Variants in AUTS2 observed in about 807,000 individuals in gnomAD.
The protein encoded by AUTS2 is activator of transcription and developmental regulator AUTS2, also known as autism susceptibility gene 2 protein.
In AUTS2, 17 loss-of-function variants were observed where a neutral mutation model predicts 112.4. That is an observed-to-expected ratio of 0.15 (90% CI 0.10 to 0.23). The LOEUF is 0.23. AUTS2 is among the 10% of genes least tolerant of loss of function. The probability of loss-of-function intolerance (pLI) is 1.00; values close to 1 mark genes in which losing one functional copy is unlikely to be tolerated. For synonymous variants in AUTS2, 751 were observed against 702.7 expected, an observed-to-expected ratio of 1.07 and a Z score of -1.09; for missense variants, 1,510 against 1,701.6, an observed-to-expected ratio of 0.89 and a Z score of 1.98.
intron 4 of AUTS2, among the ~76,000 whole-genome samples, chr7:70,310,915 A>AT (rs1228865625): frequency 2.0e-5 from 3 of 152,094 alleles, no homozygotes; most frequent in Non-Finnish European, 2.9e-5. Context: ...AATAAGATGG[A>AT]TTTTTTTAAA....
intron 4 of AUTS2, among the ~76,000 whole-genome samples, chr7:70,403,410 T>A (rs1794407176): frequency 6.6e-6 from 1 of 152,230 alleles, no homozygotes; most frequent in Non-Finnish European, 1.5e-5. Context: ...TACAGGTTGC[T>A]AATTTAAATG....
chr7:70,036,874 T>C (rs1339848584), intron 2 of AUTS2, among the ~76,000 whole-genome samples: 2 of 152,116 alleles, frequency 1.3e-5, no homozygotes, highest in Non-Finnish European at 2.9e-5. Context: ...TGCCATTTGG[T>C]GGGGATGTAG....
chr7:69,999,808 A>AT (rs1159745665), intron 2 of AUTS2, among the ~76,000 whole-genome samples: 12 of 152,322 alleles, frequency 7.9e-5, no homozygotes, highest in Non-Finnish European at 1.2e-4. Context: ...GGTACTTTAT[A>AT]TTTTAAAAGG....
chr7:70,626,803 A>G (rs1257430536), intron 5 of AUTS2, among the ~76,000 whole-genome samples: 4 of 152,172 alleles, frequency 2.6e-5, no homozygotes, highest in Non-Finnish European at 5.9e-5. Context: ...ACTTAAGATA[A>G]TGGCCTCCAG....
At chr7:69,751,741 A>G (rs893577854) in intron 1 of AUTS2, among the ~76,000 whole-genome samples, 33 of 152,342 alleles carry the variant, frequency 2.2e-4, no homozygotes, top group Admixed American at 1.6e-3. Context: ...ATAGTAGTAT[A>G]GTGTTTAGGC....
intron 1 of AUTS2, among the ~76,000 whole-genome samples, chr7:69,724,089 G>T (rs192693127): frequency 5.9e-5 from 9 of 152,176 alleles, no homozygotes; most frequent in Admixed American, 4.6e-4. Context: ...GTGTTAATGT[G>T]GGGGGAAAAA....
chr7:70,762,333 C>T (rs1024564035), intron 6 of AUTS2, among the ~76,000 whole-genome samples: 15 of 152,122 alleles, frequency 9.9e-5, no homozygotes, highest in African/African-American at 3.1e-4. Context: ...GACAGAGTCT[C>T]GCTACGTTGC....
intron 4 of AUTS2, among the ~76,000 whole-genome samples, chr7:70,203,136 T>C (rs9771435): frequency 1.5e-5 from 2 of 136,774 alleles, no homozygotes; most frequent in African/African-American, 5.6e-5. Context: ...TAGGTGGGAA[T>C]TGAACAATGA....
At chr7:70,563,047 A>G (rs1422335287) in intron 5 of AUTS2, among the ~76,000 whole-genome samples, 2 of 152,206 alleles carry the variant, frequency 1.3e-5, no homozygotes, top group Non-Finnish European at 2.9e-5. Flanking sequence ...GGCTGAAACT[A>G]CAAGGAGACA....
chr7:69,762,289 T>G (rs1788217834), intron 1 of AUTS2, among the ~76,000 whole-genome samples: 2 of 119,120 alleles, frequency 1.7e-5, no homozygotes, highest in Non-Finnish European at 3.5e-5. Context: ...TTTAGCCAAG[T>G]TGTCTTTTTT....
chr7:70,647,353 A>C (rs1207163686), intron 5 of AUTS2, among the ~76,000 whole-genome samples: 1 of 152,180 alleles, frequency 6.6e-6, no homozygotes, highest in Non-Finnish European at 1.5e-5. Flanking sequence ...GCCTCAGCCC[A>C]CTTCGCTCTG....
At chr7:70,008,232 A>G (rs946635858) in intron 2 of AUTS2, among the ~76,000 whole-genome samples, 1 of 152,166 alleles carries the variant, frequency 6.6e-6, no homozygotes, top group African/African-American at 2.4e-5. Flanking sequence ...CTCTCCCACA[A>G]ATCAGTTATT....
intron 2 of AUTS2, among the ~76,000 whole-genome samples, chr7:69,968,060 A>C (rs927746153): frequency 6.6e-6 from 1 of 152,252 alleles, no homozygotes; most frequent in Non-Finnish European, 1.5e-5. Flanking sequence ...AAGAGGGGAA[A>C]TAATGAAACT....
chr7:69,678,661 A>T (rs1013184382), intron 1 of AUTS2, among the ~76,000 whole-genome samples: 6 of 152,158 alleles, frequency 3.9e-5, no homozygotes, highest in Non-Finnish European at 8.8e-5. Context: ...AATCTCTCTC[A>T]ACTTTTGTTC....
At chr7:70,471,454 G>C (rs903106482) in intron 5 of AUTS2, among the ~76,000 whole-genome samples, 6 of 152,134 alleles carry the variant, frequency 3.9e-5, no homozygotes, top group Admixed American at 3.9e-4. Flanking sequence ...TGAAGACTCT[G>C]AGATATGTAA....
At chr7:69,644,499 T>TA (rs201217373) in intron 1 of AUTS2, among the ~76,000 whole-genome samples, 12,927 of 139,286 alleles carry the variant, frequency 0.093, 695 homozygotes, top group African/African-American at 0.17. Flanking sequence ...CATCTTGTCT[T>TA]AAAAAAAAAA....
intron 1 of AUTS2, among the ~76,000 whole-genome samples, chr7:69,800,161 A>G (rs1054252549): frequency 6.6e-6 from 1 of 152,160 alleles, no homozygotes; most frequent in Non-Finnish European, 1.5e-5. Flanking sequence ...GTTTCTGACT[A>G]TTCACTCCAG....
chr7:69,650,157 C>G (rs1795228508), intron 1 of AUTS2, among the ~76,000 whole-genome samples: 1 of 152,132 alleles, frequency 6.6e-6, no homozygotes, highest in African/African-American at 2.4e-5. Context: ...TTGGGCTATT[C>G]CCATGCTGTT....
chr7:70,651,705 A>C (rs1289545238), intron 5 of AUTS2, among the ~76,000 whole-genome samples: 1 of 152,198 alleles, frequency 6.6e-6, no homozygotes, highest in East Asian at 1.9e-4. Context: ...TAAAGTCGAA[A>C]AATCGTAAGC....
Sources: gnomAD v4.1 joint callset for allele counts (sites outside exome capture counted in the v4.1 genomes callset) on GRCh38, gnomAD v4.1.1 for gene constraint, MANE v1.5 for transcripts, NCBI Gene and HGNC (gene_info 2026-07-23, HGNC 2026-07-21) for gene names.